COL21A1: variants seen among roughly 807,000 people sequenced by gnomAD.
COL21A1 encodes collagen alpha-1(XXI) chain.
A neutral mutation model predicts 137.9 loss-of-function variants in COL21A1; 149 were observed. The observed-to-expected ratio is 1.08, with a 90% CI of 0.95 to 1.24. COL21A1 has a LOEUF of 1.24. Among genes scored for constraint, COL21A1 ranks in the 50% most tolerant of loss-of-function variants. The probability of loss-of-function intolerance (pLI) is 0.00; values close to 1 mark genes in which losing one functional copy is unlikely to be tolerated. For missense variants in COL21A1, 1,167 were observed against 1,158.4 expected, an observed-to-expected ratio of 1.01 and a Z score of -0.11; for synonymous variants, 456 against 391.5, an observed-to-expected ratio of 1.16 and a Z score of -1.95.
chr6:56,151,286 A>C (rs1186953241), intron 10 of COL21A1, among the ~76,000 whole-genome samples: 1 of 152,184 alleles, frequency 6.6e-6, no homozygotes, highest in African/African-American at 2.4e-5. Flanking sequence ...ACCAGAAATG[A>C]GCACTGTAAA....
chr6:56,158,883 A>G (rs1313062440), intron 9 of COL21A1, among the ~76,000 whole-genome samples: 1 of 152,180 alleles, frequency 6.6e-6, no homozygotes, highest in Non-Finnish European at 1.5e-5. Context: ...CAAGGGGGGA[A>G]AATAATGCTG....
chr6:56,133,573 A>G (rs891137026), intron 12 of COL21A1, among the ~76,000 whole-genome samples: 1 of 152,210 alleles, frequency 6.6e-6, no homozygotes, highest in African/African-American at 2.4e-5. Flanking sequence ...AAGCAGCTGA[A>G]TGTTAATCTC....
chr6:56,158,568 G>C (rs1015772272), intron 9 of COL21A1, among the ~76,000 whole-genome samples: 31 of 151,928 alleles, frequency 2.0e-4, no homozygotes, highest in Non-Finnish European at 4.1e-4. Flanking sequence ...TACTGAGCCT[G>C]ATCTCTTTAC....
intron 1 of COL21A1, among the ~76,000 whole-genome samples, chr6:56,351,613 C>A (rs1437502551): frequency 6.6e-6 from 1 of 152,166 alleles, no homozygotes; most frequent in Non-Finnish European, 1.5e-5. Flanking sequence ...GTATAATGCA[C>A]CCAAAGAAGC....
chr6:56,116,848 CTTGT>C (rs1462565058), intron 16 of COL21A1, among the ~76,000 whole-genome samples: 2 of 152,026 alleles, frequency 1.3e-5, no homozygotes, highest in African/African-American at 2.4e-5. Flanking sequence ...TTTCTTTTTG[CTTGT>C]TTGTTTGTTT....
upstream of COL21A1, among the ~76,000 whole-genome samples, chr6:56,248,161 T>C (rs538466862): frequency 6.6e-6 from 1 of 152,334 alleles, no homozygotes; most frequent in African/African-American, 2.4e-5. Context: ...TTGAGTGCAT[T>C]CTTCACAGAG....
chr6:56,233,743 C>CA (rs35925060), intron 1 of COL21A1, among the ~76,000 whole-genome samples: 77,915 of 145,810 alleles, frequency 0.53, 20,660 homozygotes, highest in East Asian at 0.77. Flanking sequence ...CTTGAATAGG[C>CA]AAAAAAAAAA....
At chr6:56,231,651 T>A (rs1256522683) in intron 1 of COL21A1, among the ~76,000 whole-genome samples, 1 of 151,910 alleles carries the variant, frequency 6.6e-6, no homozygotes, top group Non-Finnish European at 1.5e-5. Context: ...ACATGGTTAA[T>A]AATCAGCTTT....
At chr6:56,196,565 T>C (rs1339714816) in intron 1 of COL21A1, among the ~76,000 whole-genome samples, 12 of 152,120 alleles carry the variant, frequency 7.9e-5, no homozygotes, top group Admixed American at 7.9e-4. Flanking sequence ...TTCTATGTAT[T>C]AATAATGAAC....
At chr6:56,144,302 T>A (rs1774662863) in intron 10 of COL21A1, among the ~76,000 whole-genome samples, 1 of 152,188 alleles carries the variant, frequency 6.6e-6, no homozygotes, top group Admixed American at 6.5e-5. Context: ...ACATTCTCTA[T>A]CAGAAAGTGC....
chr6:56,242,400 T>G (rs1782382186), intron 1 of COL21A1, among the ~76,000 whole-genome samples: 1 of 152,160 alleles, frequency 6.6e-6, no homozygotes, highest in Non-Finnish European at 1.5e-5. Flanking sequence ...CATTTTACTT[T>G]GAATTAAAAA....
At chr6:56,358,093 A>G (rs1366757897) in intron 1 of COL21A1, among the ~76,000 whole-genome samples, 1 of 152,208 alleles carries the variant, frequency 6.6e-6, no homozygotes. Context: ...GTGATATTAA[A>G]TCATTTAGCA....
rs1264308689 is a variant in COL21A1 at position 56,164,928 on chromosome 6, T to C, written c.1279-106A>G. ...CCATCCAGATTAGAGATATATGAAG[T>C]ATGAAAACCAACAAAAACCAAAATA... On this transcript the variant is annotated intron_variant, in intron 7 of 29. Transcript: ENST00000244728. 7.4e-6 allele frequency: 7 copies of C among 946,632 alleles called. No individual in the cohort carries two copies. In the South Asian group the frequency reaches 1.4e-4, roughly 19 times the overall value. The allele number at this position is 946,632 out of a possible 1,614,324, so 58.6% of individuals were successfully genotyped here. A position where few individuals can be genotyped will look rare whatever the true frequency, so the allele number is the denominator to read the frequency against.
At chr6:56,387,738 A>C (rs1223019126) in intron 1 of COL21A1, among the ~76,000 whole-genome samples, 1 of 152,184 alleles carries the variant, frequency 6.6e-6, no homozygotes, top group Non-Finnish European at 1.5e-5. Context: ...CATTTAGATA[A>C]GCCCTGGACC....
intron 1 of COL21A1, among the ~76,000 whole-genome samples, chr6:56,325,648 A>T (rs1392812053): frequency 0.019 from 7 of 370 alleles, 2 homozygotes; most frequent in Non-Finnish European, 0.19. Context: ...TATATAATAT[A>T]ATATATTATA....
At chr6:56,387,422 C>T (rs1273075482) in intron 1 of COL21A1, among the ~76,000 whole-genome samples, 2 of 151,982 alleles carry the variant, frequency 1.3e-5, no homozygotes, top group East Asian at 3.9e-4. Flanking sequence ...AATTGAACAA[C>T]TATCCATGCA....
chr6:56,060,915 T>G lies in COL21A1; in HGVS notation c.2328A>C (p.Gly776=). The G allele has an allele frequency of 6.3e-7, 1 of 1,577,212 alleles. No individual in the cohort carries two copies. Among genetic ancestry groups the G allele is most frequent in the Non-Finnish European group, 8.6e-7 (1 of 1,167,568 alleles). ...CGGGCTTCCCATCCAAACCTGGGGG[T>G]CCCTGAGGACCTGGATCCCCAGGTT... ...KGQPGDPGPQ[G]PPGLDGKPGR... The change falls in exon 26 of 30, where the codon GGA becomes GGC. Residue 776 remains glycine (G), a synonymous_variant. Transcript: ENST00000244728.
At chr6:56,079,810 C>G (rs1299776124) in intron 17 of COL21A1, among the ~76,000 whole-genome samples, 1 of 151,706 alleles carries the variant, frequency 6.6e-6, no homozygotes, top group East Asian at 1.9e-4. Flanking sequence ...AATGGATCTT[C>G]TATGTCCAAT....
At chr6:56,100,559 T>G (rs1770362700) in intron 17 of COL21A1, among the ~76,000 whole-genome samples, 1 of 152,148 alleles carries the variant, frequency 6.6e-6, no homozygotes, top group African/African-American at 2.4e-5. Flanking sequence ...TGACTCCATA[T>G]GAGATTCATA....
Sources: allele counts gnomAD v4.1 joint callset (sites outside exome capture counted in the v4.1 genomes callset), GRCh38; gene constraint gnomAD v4.1.1; transcripts MANE v1.5; gene names NCBI Gene and HGNC (gene_info 2026-07-23, HGNC 2026-07-21).